Variants in ZNF649 observed in about 807,000 individuals in gnomAD.
ZNF649 encodes the protein zinc finger protein 649.
A neutral mutation model predicts 14.1 loss-of-function variants in ZNF649; 7 were observed. That is an observed-to-expected ratio of 0.49 (90% CI 0.28 to 0.93). The LOEUF (loss-of-function observed/expected upper bound fraction) is 0.93. ZNF649 is among the 40% of genes least tolerant of loss of function. The pLI is 0.10. For synonymous variants in ZNF649, 227 were observed against 212.3 expected, an observed-to-expected ratio of 1.07 and a Z score of -0.60; for missense variants, 544 against 608.1, an observed-to-expected ratio of 0.89 and a Z score of 1.11.
Position 51,890,717 on chromosome 19 carries a change from T to TA in ZNF649, c.1418dup (p.Leu473PhefsTer4). 6.2e-7 allele frequency: 1 copy of TA among 1,614,260 alleles called. No individual in the cohort carries two copies. The highest frequency in any genetic ancestry group is 8.5e-7 in the Non-Finnish European group (1 of 1,180,054). On this transcript the variant is annotated frameshift_variant, in exon 5 of 5. Coordinates refer to ENST00000354957, the MANE Select transcript of ZNF649 (RefSeq NM_023074.4). LOFTEE classifies it low-confidence loss of function (END_TRUNC). ...TCCCCTGCACATGTTCACTAGGACT[T>TA]AAGCTGTGACTTGCTGTGGAAGGAT...
chr19:51,902,295 G>T (rs1416134113), intron 1 of ZNF649, among the ~76,000 whole-genome samples: 8 of 152,212 alleles, frequency 5.3e-5, no homozygotes, highest in African/African-American at 1.9e-4. Context: ...CTGAGACTGT[G>T]TATCTAGATA....
In ZNF649 at chr19:51,891,957, G is replaced by A; in HGVS notation, c.239-60C>T. The A allele has an allele frequency of 6.7e-7, 1 of 1,493,126 alleles. No homozygotes were observed. Among genetic ancestry groups the A allele is most frequent in the South Asian group, 1.5e-5 (1 of 68,398 alleles). The allele number at this position is 1,493,126 out of a possible 1,614,324, so 92.5% of individuals were successfully genotyped here. On this transcript the variant is annotated intron_variant, in intron 4 of 4. Transcript: ENST00000354957. The surrounding 1 kb of genome is among the most constrained non-coding windows in gnomAD (Gnocchi z 4.2). ...TCACACGGAATAAAACTGCTTCAAA[G>A]ATGCCTTGGGGTTGGCTGGCTTTTT...
Position 51,896,834 on chromosome 19 carries a change from C to T in ZNF649, c.142+18G>A. On this transcript the variant is annotated intron_variant, in intron 3 of 4. Transcript: ENST00000354957. ...CTGACTGGGTACCCTCTGAGTGACA[C>T]AGGGCAGCTGTCCTCACCCACTGAC... 6.2e-7 allele frequency: 1 copy of T among 1,614,102 alleles called. No homozygotes were observed. Among genetic ancestry groups the T allele is most frequent in the Non-Finnish European group, 8.5e-7 (1 of 1,180,012 alleles).
chr19:51,902,037 TCTTCTGC>T (rs935305968), intron 1 of ZNF649, among the ~76,000 whole-genome samples: 3 of 151,298 alleles, frequency 2.0e-5, no homozygotes, highest in African/African-American at 7.3e-5. Context: ...CCCTTTCTGC[TCTTCTGC>T]CTTCTGCCAT....
rs2085002848 is a variant in ZNF649 at position 51,889,634 on chromosome 19, C to A, written c.*984G>T. ...CAAAGGTCACACTTCCTAATGCCAT[C>A]CCTTAGGGATTAGGACTTCAACATG... On this transcript the variant is annotated 3_prime_UTR_variant, in exon 5 of 5. Coordinates refer to ENST00000354957, the MANE Select transcript of ZNF649 (RefSeq NM_023074.4). The A allele has an allele frequency of 1.3e-5, 2 of 152,204 alleles. No individual in the cohort carries two copies. The highest frequency in any genetic ancestry group is 4.8e-5 in the African/African-American group (2 of 41,452). The allele number at this position is 152,204 out of a possible 1,614,324, so 9.4% of individuals were successfully genotyped here.
At chr19:51,894,912 C>A (rs2085050238) in intron 4 of ZNF649, among the ~76,000 whole-genome samples, 1 of 151,846 alleles carries the variant, frequency 6.6e-6, no homozygotes, top group Non-Finnish European at 1.5e-5. Context: ...GAGCAAGAGG[C>A]CTTGGTATGG....
chr19:51,893,548 T>C (rs2085038387), intron 4 of ZNF649, among the ~76,000 whole-genome samples: 1 of 152,182 alleles, frequency 6.6e-6, no homozygotes. Flanking sequence ...TATATTCTCA[T>C]ATGTTCCAAC....
At chr19:51,898,814 G>A (rs1280208567) in intron 2 of ZNF649, among the ~76,000 whole-genome samples, 2 of 152,098 alleles carry the variant, frequency 1.3e-5, no homozygotes, top group Non-Finnish European at 2.9e-5. Flanking sequence ...TCAGGAGGCT[G>A]AGGCAGGAGA....
At chr19:51,899,842 G>T in intron 2 of ZNF649, 1 of 367,402 alleles carries the variant, frequency 2.7e-6, no homozygotes, top group Non-Finnish European at 4.8e-6. Context: ...TTGGACACAA[G>T]CTGACACTTA....
chr19:51,900,688 C>T (rs1375613907), intron 1 of ZNF649, among the ~76,000 whole-genome samples: 1 of 152,274 alleles, frequency 6.6e-6, no homozygotes, highest in South Asian at 2.1e-4. Flanking sequence ...CCAGTTTATG[C>T]CAGCACCCCA....
Position 51,896,885 on chromosome 19 carries a change from TCA to T in ZNF649, c.107_108del (p.Val36AspfsTer19). 6.2e-7 allele frequency: 1 copy of T among 1,614,104 alleles called. No individual in the cohort carries two copies. On this transcript the variant is annotated frameshift_variant, in exon 3 of 5. Transcript: ENST00000354957. LOFTEE classifies it high-confidence loss of function. ...ACAAGGTTGCTGTAGTTCTCCAACA[TCA>T]CATCCCGGTACAGGTCCTTCTGAGC... ...SPAQKDLYRD[V>X]MLENYSNLVS...
At position 51,891,577 on chromosome 19, in the gene ZNF649, A is replaced by C. The variant is rs1674370488; in HGVS notation, c.559T>G (p.Phe187Val). The C allele has an allele frequency of 6.2e-7, 1 of 1,614,114 alleles. No homozygotes were observed. The highest frequency in any genetic ancestry group is 1.7e-5 in the Admixed American group (1 of 60,008). ...TCAGTGAGCTGAGACTTCTTGAGGA[A>C]AGCTTTCCCACAGTCAGTGCATTCA... is the stretch of plus-strand genomic sequence containing the variant. ...AHECTDCGKAFLKKSQLTEHK... is the reference protein window; with the variant it reads ...AHECTDCGKAVLKKSQLTEHK... The change falls in exon 5 of 5, where the codon TTC becomes GTC. Residue 187 changes from phenylalanine to valine, a missense_variant. Coordinates refer to ENST00000354957, the MANE Select transcript of ZNF649 (RefSeq NM_023074.4). This position sits in a 1 kb window ranked among gnomAD's most constrained non-coding sequence, Gnocchi z 4.2.
At chr19:51,900,921 A>G (rs1454647123) in intron 1 of ZNF649, among the ~76,000 whole-genome samples, 4 of 152,216 alleles carry the variant, frequency 2.6e-5, no homozygotes, top group African/African-American at 9.6e-5. Context: ...TGAACTCACA[A>G]CACTCAGTCT....
At chr19:51,901,561 C>A (rs2085094648) in intron 1 of ZNF649, among the ~76,000 whole-genome samples, 1 of 152,074 alleles carries the variant, frequency 6.6e-6, no homozygotes, top group African/African-American at 2.4e-5. Context: ...GGGAGGATCG[C>A]TTGAGGCCAG....
intron 4 of ZNF649, among the ~76,000 whole-genome samples, chr19:51,895,794 CATACACATAT>C: frequency 6.6e-6 from 1 of 152,072 alleles, no homozygotes; most frequent in East Asian, 1.9e-4. Context: ...TACACACACA[CATACACATAT>C]ATACACACAC....
chr19:51,900,187 A>G lies in ZNF649; in HGVS notation c.-80T>C. 1 of 1,268,794 alleles carries G rather than the reference A, an allele frequency of 7.9e-7. No individual in the cohort carries two copies. Among genetic ancestry groups the G allele is most frequent in the Non-Finnish European group, 1.1e-6 (1 of 950,760 alleles). 78.6% of individuals were successfully genotyped at this position (1,268,794 alleles called of 1,614,324 possible). A position where few individuals can be genotyped will look rare whatever the true frequency, so the allele number is the denominator to read the frequency against. ...TCTGGATCCTCCCTAAATTTTGGCT[A>G]AGAAATCTGAGTCTCCATTTAAGAG... On this transcript the variant is annotated 5_prime_UTR_variant, in exon 2 of 5. It removes the in-frame stop codon of an upstream open reading frame in the 5' UTR. Coordinates refer to ENST00000354957, the MANE Select transcript of ZNF649 (RefSeq NM_023074.4).
chr19:51,901,296 A>G (rs1419360649), intron 1 of ZNF649, among the ~76,000 whole-genome samples: 1 of 152,098 alleles, frequency 6.6e-6, no homozygotes, highest in Non-Finnish European at 1.5e-5. Flanking sequence ...AGCCACTCTT[A>G]TTAGGAAATA....
At chr19:51,894,233 A>G (rs2085044610) in intron 4 of ZNF649, among the ~76,000 whole-genome samples, 1 of 152,080 alleles carries the variant, frequency 6.6e-6, no homozygotes, top group Non-Finnish European at 1.5e-5. Flanking sequence ...CCCAGGTTCA[A>G]GCAATTCTCC....
In ZNF649 at chr19:51,891,622, G is replaced by A; in HGVS notation, c.514C>T (p.His172Tyr). The A allele has an allele frequency of 1.2e-6, 2 of 1,614,234 alleles. No individual in the cohort carries two copies. ...KSQFLKHQQT[H>Y]NIEKAHECTD... ...CATTCATGGGCTTTCTCTATGTTGT[G>A]TGTTTGCTGATGTTTAAGGAATTGT... The change falls in exon 5 of 5, where the codon CAC (histidine) becomes TAC (tyrosine). Residue 172 changes from histidine to tyrosine, a missense_variant. Transcript: ENST00000354957. This position sits in a 1 kb window ranked among gnomAD's most constrained non-coding sequence, Gnocchi z 4.2.
Sources: allele counts gnomAD v4.1 joint callset (sites outside exome capture counted in the v4.1 genomes callset), GRCh38; gene constraint gnomAD v4.1.1; non-coding constraint Gnocchi (gnomAD v3.1); transcripts MANE v1.5; gene names NCBI Gene and HGNC (gene_info 2026-07-23, HGNC 2026-07-21).